The following GALNT17 variants were observed in gnomAD, a reference collection of about 807,000 sequenced individuals.
GALNT17 encodes the protein UDP-GalNAc:polypeptide N-acetylgalactosaminyltransferase-like 3.
Under a neutral mutation model 63.7 loss-of-function variants are expected in GALNT17, and 29 were observed. The ratio of observed to expected loss-of-function variants is 0.46; its 90% confidence interval spans 0.34 to 0.62. The LOEUF is 0.62. Among genes scored for constraint, GALNT17 ranks in the 20% least tolerant of loss-of-function variants. The pLI is 0.01. For synonymous variants in GALNT17, 305 were observed against 318.3 expected (o/e 0.96, Z 0.45); for missense variants, 603 against 799.6 (o/e 0.75, Z 2.97).
At chr7:71,276,858 C>G (rs1437387119) in intron 1 of GALNT17, among the ~76,000 whole-genome samples, 1 of 152,042 alleles carries the variant, frequency 6.6e-6, no homozygotes, top group Non-Finnish European at 1.5e-5. Context: ...ATTAAGCAGG[C>G]ATCGTGGTGG....
intron 1 of GALNT17, among the ~76,000 whole-genome samples, chr7:71,213,189 A>G (rs1789413717): frequency 6.6e-6 from 1 of 152,150 alleles, no homozygotes; most frequent in Non-Finnish European, 1.5e-5. Flanking sequence ...TGCTATTCTC[A>G]TGATAGTGAA....
intron 1 of GALNT17, among the ~76,000 whole-genome samples, chr7:71,261,544 A>G (rs1790385444): frequency 6.6e-6 from 1 of 152,192 alleles, no homozygotes; most frequent in African/African-American, 2.4e-5. Context: ...GCATCTCCAA[A>G]CTGGAAGAGA....
chr7:71,274,719 G>A (rs892433566), intron 1 of GALNT17, among the ~76,000 whole-genome samples: 4 of 152,218 alleles, frequency 2.6e-5, no homozygotes, highest in Admixed American at 1.3e-4. Context: ...GGCATGACCA[G>A]TAGTACCTAC....
chr7:71,217,030 C>T (rs998420845), intron 1 of GALNT17, among the ~76,000 whole-genome samples: 3 of 151,934 alleles, frequency 2.0e-5, no homozygotes, highest in African/African-American at 7.3e-5. Context: ...GTGGTGTGAT[C>T]TTGGCTCACT....
intron 1 of GALNT17, among the ~76,000 whole-genome samples, chr7:71,225,813 C>T (rs529663656): frequency 6.6e-6 from 1 of 152,198 alleles, no homozygotes; most frequent in East Asian, 1.9e-4. Context: ...AATGATGATA[C>T]ATTCATGGCC....
At chr7:71,627,133 C>G (rs973401927) in intron 6 of GALNT17, among the ~76,000 whole-genome samples, 1 of 152,208 alleles carries the variant, frequency 6.6e-6, no homozygotes, top group Non-Finnish European at 1.5e-5. Flanking sequence ...TGAACAGACA[C>G]GTTTGGAAGC....
chr7:71,295,691 TGGG>T (rs1791066256), intron 1 of GALNT17, among the ~76,000 whole-genome samples: 1 of 151,990 alleles, frequency 6.6e-6, no homozygotes, highest in Non-Finnish European at 1.5e-5. Context: ...CTCAAATTCC[TGGG>T]CTTAAGCAAT....
intron 9 of GALNT17, among the ~76,000 whole-genome samples, chr7:71,698,749 A>G (rs1201038741): frequency 1.3e-5 from 2 of 152,184 alleles, no homozygotes; most frequent in Non-Finnish European, 2.9e-5. Flanking sequence ...AGATGGTAGA[A>G]ATAAGTACAA....
intron 6 of GALNT17, among the ~76,000 whole-genome samples, chr7:71,579,304 T>C (rs566918370): frequency 6.6e-6 from 1 of 152,198 alleles, no homozygotes; most frequent in Non-Finnish European, 1.5e-5. Context: ...AACTGAATAC[T>C]TCTGATTAAA....
At chr7:71,291,898 C>G (rs1790986279) in intron 1 of GALNT17, among the ~76,000 whole-genome samples, 1 of 152,044 alleles carries the variant, frequency 6.6e-6, no homozygotes, top group African/African-American at 2.4e-5. Flanking sequence ...GCATTAATTT[C>G]TGCTTTACTC....
intron 2 of GALNT17, among the ~76,000 whole-genome samples, chr7:71,341,616 G>T (rs1425330910): frequency 6.6e-6 from 1 of 152,146 alleles, no homozygotes; most frequent in Non-Finnish European, 1.5e-5. Context: ...AGATGACAAT[G>T]GAAGAATGCT....
intron 1 of GALNT17, among the ~76,000 whole-genome samples, chr7:71,310,498 A>G (rs1791397039): frequency 6.6e-6 from 1 of 152,196 alleles, no homozygotes; most frequent in Non-Finnish European, 1.5e-5. Flanking sequence ...TTTTGCATTT[A>G]AAGTAATGGC....
intron 2 of GALNT17, among the ~76,000 whole-genome samples, chr7:71,358,446 A>G (rs1179222113): frequency 1.3e-5 from 2 of 152,208 alleles, no homozygotes; most frequent in African/African-American, 4.8e-5. Context: ...GATCTTATCT[A>G]CCAGAGCTCG....
At chr7:71,703,301 T>C (rs927782781) in intron 9 of GALNT17, among the ~76,000 whole-genome samples, 4 of 152,194 alleles carry the variant, frequency 2.6e-5, no homozygotes, top group Non-Finnish European at 5.9e-5. Flanking sequence ...CAACATCTGC[T>C]CAGCTTCTGG....
At chr7:71,441,952 T>C (rs994328722) in intron 5 of GALNT17, among the ~76,000 whole-genome samples, 1 of 152,162 alleles carries the variant, frequency 6.6e-6, no homozygotes, top group Non-Finnish European at 1.5e-5. Context: ...TATGTGTGTG[T>C]GTGTGTCTTT....
intron 1 of GALNT17, among the ~76,000 whole-genome samples, chr7:71,232,378 TG>T (rs1013678288): frequency 5.9e-5 from 9 of 152,132 alleles, no homozygotes; most frequent in African/African-American, 2.2e-4. Flanking sequence ...GGTGCAGCCT[TG>T]CAGAACATGC....
chr7:71,571,083 TAGGC>T (rs1789433212), intron 5 of GALNT17, among the ~76,000 whole-genome samples, 198 bp from the exon 6 acceptor site: 2 of 108,418 alleles, frequency 1.8e-5, no homozygotes, highest in African/African-American at 5.8e-5. Flanking sequence ...CAGTACATGC[TAGGC>T]TGGAACCCAG....
chr7:71,598,899 G>A lies in GALNT17; in HGVS notation c.1080+27497G>A, dbSNP rs936020958. On this transcript the variant is annotated intron_variant, in intron 6 of 10. Transcript: ENST00000333538. Reference sequence around the variant, plus strand: ...CGTGGTGGGTGGTGGGGGTGGTGTCGGTGGTCTTAGTTGACCTGTCTAGGG... The same window carrying A: ...CGTGGTGGGTGGTGGGGGTGGTGTCAGTGGTCTTAGTTGACCTGTCTAGGG... Among the ~76,000 whole-genome samples, 8 of 152,176 alleles carry A rather than the reference G, an allele frequency of 5.3e-5. No individual in the cohort carries two copies. In the South Asian group the frequency reaches 6.2e-4, roughly 12 times the overall value.
At chr7:71,367,331 G>A (rs975973026) in intron 2 of GALNT17, among the ~76,000 whole-genome samples, 2 of 152,146 alleles carry the variant, frequency 1.3e-5, no homozygotes, top group Non-Finnish European at 2.9e-5. Flanking sequence ...AAACATATAG[G>A]TGGAAACCCC....
Sources: gnomAD v4.1 joint callset for allele counts (sites outside exome capture counted in the v4.1 genomes callset) on GRCh38, gnomAD v4.1.1 for gene constraint, MANE v1.5 for transcripts, NCBI Gene and HGNC (gene_info 2026-07-23, HGNC 2026-07-21) for gene names.